The following ITGAM variants were observed in gnomAD, a reference collection of about 807,000 sequenced individuals.
ITGAM encodes integrin alpha-M.
In ITGAM, 79 loss-of-function variants were observed where a neutral mutation model predicts 137.5. That is an observed-to-expected ratio of 0.57 (90% CI 0.48 to 0.69). The LOEUF is 0.69. ITGAM is among the 30% of genes least tolerant of loss of function. The pLI, the probability that ITGAM is intolerant of heterozygous loss-of-function variation, is 0.00. For synonymous variants in ITGAM, 583 were observed against 592.3 expected (o/e 0.98, Z 0.23); for missense variants, 1,343 against 1,483.5 (o/e 0.91, Z 1.56).
intron 2 of ITGAM, among the ~76,000 whole-genome samples, chr16:31,262,790 C>T (rs2079720173): frequency 6.6e-6 from 1 of 152,110 alleles, no homozygotes; most frequent in Non-Finnish European, 1.5e-5. Flanking sequence ...TTTACCTTTA[C>T]AGAAACAGTA....
At chr16:31,299,775 T>TCTC (rs1555468137) in intron 14 of ITGAM, among the ~76,000 whole-genome samples, 2 of 130,160 alleles carry the variant, frequency 1.5e-5, no homozygotes, top group Non-Finnish European at 3.2e-5. Flanking sequence ...TTCCTCCTCC[T>TCTC]CCTCCTCCGC....
At chr16:31,264,554 G>A (rs934885980) in intron 2 of ITGAM, among the ~76,000 whole-genome samples, 2 of 152,140 alleles carry the variant, frequency 1.3e-5, no homozygotes, top group African/African-American at 2.4e-5. Flanking sequence ...TGAGGTGGAA[G>A]GATTGTTTGA....
At chr16:31,271,196 G>A (rs2079835924) in intron 6 of ITGAM, 112 bp downstream of exon 6, 4 of 909,790 alleles carry the variant, frequency 4.4e-6, no homozygotes, top group East Asian at 5.9e-5. Flanking sequence ...CCAAATTGAC[G>A]ATCGATTATG....
intron 14 of ITGAM, 100 bp from the exon 15 acceptor site, chr16:31,321,141 A>G (rs2080444899): frequency 7.5e-7 from 1 of 1,332,658 alleles, no homozygotes; most frequent in Non-Finnish European, 1.1e-6. Context: ...ACTTGAGTAG[A>G]GCTTAGAGAA....
chr16:31,326,164 G>T (rs1159040760), intron 21 of ITGAM, among the ~76,000 whole-genome samples: 1 of 152,082 alleles, frequency 6.6e-6, no homozygotes, highest in Admixed American at 6.6e-5. Flanking sequence ...ATCCATTTTG[G>T]AACATCTTCA....
rs368406947 is a variant in ITGAM, at chr16:31,261,732, C to T, written c.69C>T (p.Asn23=). 1.1e-5 allele frequency: 18 copies of T among 1,612,856 alleles called. No individual in the cohort carries two copies. Among genetic ancestry groups the T allele is most frequent in the East Asian group, 1.1e-4 (5 of 44,848 alleles). Residue 23 remains asparagine, a synonymous_variant, in exon 2 of 30, where the codon AAC becomes AAT. Transcript: ENST00000544665. The stretch of plus-strand genomic sequence containing the variant: ...ATGGGTTCAACTTGGACACTGAAAA[C>T]GCAATGACCTTCCAAGAGAACGCAA... ...LCHGFNLDTE[N]AMTFQENARG...
rs769370533 is a variant in ITGAM at position 31,332,228 on chromosome 16, C to G, written c.*521C>G. The G allele has an allele frequency of 1.3e-5, 2 of 152,778 alleles. No homozygotes were observed. Among genetic ancestry groups the G allele is most frequent in the Non-Finnish European group, 2.9e-5 (2 of 68,388 alleles). 9.5% of individuals were successfully genotyped at this position (152,778 alleles called of 1,614,324 possible). A position where few individuals can be genotyped will look rare whatever the true frequency, so the allele number is the denominator to read the frequency against. On this transcript the variant is annotated 3_prime_UTR_variant, in exon 30 of 30. Transcript: ENST00000544665. ...CAGAGGGAAACACAGCAGCTTCTCTCCACTGAAAGAAGTGGGACTTCCCGT... is the reference window on the plus strand; with the variant it reads ...CAGAGGGAAACACAGCAGCTTCTCTGCACTGAAAGAAGTGGGACTTCCCGT...
At chr16:31,273,315 A>C in intron 7 of ITGAM, 50 bp from the exon 8 acceptor site, 1 of 1,486,164 alleles carries the variant, frequency 6.7e-7, no homozygotes, top group Admixed American at 2.1e-5. Context: ...AAAAAAAACT[A>C]GTGTGTCATC....
chr16:31,271,722 A>G (rs565185700), intron 6 of ITGAM, 125 bp from the exon 7 acceptor site: 17 of 1,143,480 alleles, frequency 1.5e-5, no homozygotes, highest in Non-Finnish European at 2.1e-5. Context: ...GAGGCAGGGG[A>G]TTAGGGGCAG....
intron 12 of ITGAM, among the ~76,000 whole-genome samples, chr16:31,280,842 T>C (rs1467382531): frequency 5.3e-5 from 8 of 152,310 alleles, no homozygotes; most frequent in Non-Finnish European, 1.2e-4. Flanking sequence ...CAGTATGATA[T>C]TGGCTGCGGG....
intron 23 of ITGAM, chr16:31,328,908 G>T (rs1054776439): frequency 3.8e-5 from 18 of 478,964 alleles, no homozygotes; most frequent in African/African-American, 2.9e-4. Context: ...GCATGTGTGT[G>T]TGTCTGAGGA....
intron 14 of ITGAM, among the ~76,000 whole-genome samples, chr16:31,317,405 G>C (rs919861223): frequency 6.6e-6 from 1 of 152,106 alleles, no homozygotes; most frequent in Non-Finnish European, 1.5e-5. Flanking sequence ...CCTTTGGAAG[G>C]TGTTTAGGTC....
rs1329554432 is a variant in ITGAM at position 31,327,617 on chromosome 16, A to AATG, written c.2709-528_2709-527insGAT. 3.6e-4 allele frequency among the ~76,000 whole-genome samples: 54 copies of AATG among 151,032 alleles called. 8 individuals carry two copies. The highest frequency in any genetic ancestry group is 4.1e-4 in the Non-Finnish European group (28 of 67,874). On this transcript the variant is annotated intron_variant, in intron 22 of 29. Coordinates refer to ENST00000544665, the MANE Select transcript of ITGAM (RefSeq NM_000632.4). ...TCAAAATAATAATAATAATAATAAT[A>AATG]ATAAAAAATAAAAGGGAAAAAAAGA...
At chr16:31,330,208 C>T (rs754448974) in intron 26 of ITGAM, 44 bp downstream of exon 26, 7 of 1,597,848 alleles carry the variant, frequency 4.4e-6, no homozygotes, top group Non-Finnish European at 5.1e-6. Flanking sequence ...AGACCCAGAG[C>T]GCTTCCCTGC....
rs1358157481 is a variant in ITGAM, at chr16:31,270,740, TATA to T, written c.428-213_428-211del. Reference sequence around the variant, plus strand: ...ATATATATATATATATATATATATATATATGTTTTTAACGTGTGTATACATATA... The same window carrying T: ...ATATATATATATATATATATATATATTGTTTTTAACGTGTGTATACATATA... On this transcript the variant is annotated intron_variant, in intron 5 of 29. Transcript: ENST00000544665. Among the ~76,000 whole-genome samples the T allele has an allele frequency of 5.3e-4, 61 of 114,324 alleles. 1 individual carries two copies. Among genetic ancestry groups the T allele is most frequent in the Non-Finnish European group, 8.0e-4 (45 of 56,046 alleles). The allele number at this position is 114,324 out of a possible 152,430, so 75.0% of individuals were successfully genotyped here.
At chr16:31,267,808 T>C (rs1261062393) in intron 5 of ITGAM, among the ~76,000 whole-genome samples, 1 of 151,930 alleles carries the variant, frequency 6.6e-6, no homozygotes. Flanking sequence ...GCGCATATAC[T>C]GATTTTTGTA....
intron 14 of ITGAM, among the ~76,000 whole-genome samples, chr16:31,303,860 TGGTCGACG>T (rs1170764518): frequency 1.3e-5 from 2 of 152,170 alleles, no homozygotes; most frequent in Admixed American, 6.5e-5. Flanking sequence ...ATCCACTCAT[TGGTCGACG>T]GGTACCACAG....
intron 1 of ITGAM, among the ~76,000 whole-genome samples, chr16:31,260,816 C>A (rs971849462): frequency 6.6e-6 from 1 of 152,142 alleles, no homozygotes; most frequent in African/African-American, 2.4e-5. Context: ...TTTTGCACAA[C>A]CTGCCAGCTA....
In ITGAM at chr16:31,260,108, G is replaced by A; in HGVS notation, c.28+16G>A. On this transcript the variant is annotated intron_variant, in intron 1 of 29. Coordinates refer to ENST00000544665, the MANE Select transcript of ITGAM (RefSeq NM_000632.4). Reference sequence around the variant, plus strand: ...CTGTTAACAGGTGCATGGGGGTGGGGTGGGGGACTCTGGGTGGGGAGGAGG... The same window carrying A: ...CTGTTAACAGGTGCATGGGGGTGGGATGGGGGACTCTGGGTGGGGAGGAGG... 6.5e-7 allele frequency: 1 copy of A among 1,535,082 alleles called. No individual in the cohort carries two copies. The highest frequency in any genetic ancestry group is 8.9e-7 in the Non-Finnish European group (1 of 1,127,532).
Sources: gnomAD v4.1 joint callset for allele counts (sites outside exome capture counted in the v4.1 genomes callset) on GRCh38, gnomAD v4.1.1 for gene constraint, MANE v1.5 for transcripts, NCBI Gene and HGNC (gene_info 2026-07-23, HGNC 2026-07-21) for gene names.